PTGDR: variants seen among roughly 807,000 people sequenced by gnomAD.
The protein encoded by PTGDR is prostaglandin D2 receptor, also known as PGD2 receptor.
PTGDR carries 19 observed loss-of-function variants against 17.4 expected under a neutral mutation model. The observed-to-expected ratio is 1.09, with a 90% confidence interval of 0.76 to 1.60. The LOEUF is 1.60. Among genes scored for constraint, PTGDR ranks in the 40% most tolerant of loss-of-function variants. The pLI, the probability that PTGDR is intolerant of heterozygous loss-of-function variation, is 0.00. For synonymous variants in PTGDR, 267 were observed against 224.2 expected (o/e 1.19, Z -1.71); for missense variants, 526 against 481.9 (o/e 1.09, Z -0.86).
chr14:52,271,491 A>T (rs920459583), intron 1 of PTGDR, among the ~76,000 whole-genome samples: 3 of 152,230 alleles, frequency 2.0e-5, no homozygotes, highest in African/African-American at 7.2e-5. Flanking sequence ...AACAAGATAA[A>T]ATGTACCTCT....
At chr14:52,269,591 A>C in intron 1 of PTGDR, 1 of 1,401,734 alleles carries the variant, frequency 7.1e-7, no homozygotes, top group Non-Finnish European at 9.7e-7. Flanking sequence ...TGCCAATCCC[A>C]CGTTCTCGAA....
intron 1 of PTGDR, among the ~76,000 whole-genome samples, chr14:52,272,083 C>A (rs1049943989): frequency 1.3e-5 from 2 of 152,110 alleles, no homozygotes; most frequent in Non-Finnish European, 2.9e-5. Context: ...ATGATACTAG[C>A]ATAATTAAAA....
At chr14:52,279,336 G>A (rs891898129), downstream of PTGDR, among the ~76,000 whole-genome samples, 4 of 152,130 alleles carry the variant, frequency 2.6e-5, no homozygotes, top group Non-Finnish European at 4.4e-5. Flanking sequence ...CACTGTTATC[G>A]ACATTATGTA....
chr14:52,268,438 G>T lies in PTGDR; in HGVS notation c.624G>T (p.Ala208=), dbSNP rs1018209574. Residue 208 remains alanine (A), a synonymous_variant, in exon 1 of 2, where the codon GCG becomes GCT. Coordinates refer to ENST00000306051, the MANE Select transcript of PTGDR (RefSeq NM_000953.3). ...CTGTGCTCTACTCCAGCCTCATGGC[G>T]CTGCTGGTCCTCGCCACCGTGCTGT... ...GYSVLYSSLM[A]LLVLATVLCN... is the part of the protein sequence containing the mutation. 1 of 1,610,040 alleles carries T rather than the reference G, an allele frequency of 6.2e-7. No homozygotes were observed. Among genetic ancestry groups the T allele is most frequent in the Admixed American group, 1.7e-5 (1 of 60,032 alleles).
At chr14:52,273,820 T>C (rs2033367486) in intron 1 of PTGDR, among the ~76,000 whole-genome samples, 1 of 152,212 alleles carries the variant, frequency 6.6e-6, no homozygotes. Flanking sequence ...AAAATGTATT[T>C]AGAATTGTAG....
Position 52,267,763 on chromosome 14 carries a change from G to A in PTGDR, c.-52G>A. On this transcript the variant is annotated 5_prime_UTR_variant, in exon 1 of 2. Coordinates refer to ENST00000306051, the MANE Select transcript of PTGDR (RefSeq NM_000953.3). ...GGGGGCTCCTTAGCACCCGGGCGCCGGGGCCCTCGCCCTTCCGCAGCCTTC... is the reference window on the plus strand; with the variant it reads ...GGGGGCTCCTTAGCACCCGGGCGCCAGGGCCCTCGCCCTTCCGCAGCCTTC... 2 of 1,493,306 alleles carry A rather than the reference G, an allele frequency of 1.3e-6. No individual in the cohort carries two copies. Among genetic ancestry groups the A allele is most frequent in the Non-Finnish European group, 1.8e-6 (2 of 1,124,632 alleles). The allele number at this position is 1,493,306 out of a possible 1,614,324, so 92.5% of individuals were successfully genotyped here.
chr14:52,273,948 G>A (rs1407780486), intron 1 of PTGDR, among the ~76,000 whole-genome samples: 2 of 152,130 alleles, frequency 1.3e-5, no homozygotes, highest in African/African-American at 4.8e-5. Flanking sequence ...GCTGTTGTTT[G>A]AGGCACTTTG....
chr14:52,267,720 G>T lies in PTGDR; in HGVS notation c.-95G>T, dbSNP rs41311438. 20,464 of 1,437,172 alleles carry T rather than the reference G, an allele frequency of 0.014. 216 individuals carry two copies. Among genetic ancestry groups the T allele is most frequent in the South Asian group, 0.026 (1,722 of 65,108 alleles). The allele number at this position is 1,437,172 out of a possible 1,614,324, so 89.0% of individuals were successfully genotyped here. A position where few individuals can be genotyped will look rare whatever the true frequency, so the allele number is the denominator to read the frequency against. On this transcript the variant is annotated 5_prime_UTR_variant, in exon 1 of 2. Transcript: ENST00000306051. ...TCTGTGGCGCAGCTTCTCCGCCCGA[G>T]CCGCGCGCGGAGCTGCCGGGGGCTC...
In PTGDR at chr14:52,267,704, C is replaced by A; in HGVS notation, c.-111C>A. 7.0e-7 allele frequency: 1 copy of A among 1,424,754 alleles called. No homozygotes were observed. The highest frequency in any genetic ancestry group is 2.6e-5 in the East Asian group (1 of 38,160). 88.3% of individuals were successfully genotyped at this position (1,424,754 alleles called of 1,614,324 possible). A position where few individuals can be genotyped will look rare whatever the true frequency, so the allele number is the denominator to read the frequency against. ...CGCCCTCGGAGCTTTTTCTGTGGCG[C>A]AGCTTCTCCGCCCGAGCCGCGCGCG... On this transcript the variant is annotated 5_prime_UTR_variant, in exon 1 of 2. Coordinates refer to ENST00000306051, the MANE Select transcript of PTGDR (RefSeq NM_000953.3).
In PTGDR at chr14:52,267,955, G is replaced by A; in HGVS notation, c.141G>A (p.Gly47=). Residue 47 remains glycine, a synonymous_variant, in exon 1 of 2, where the codon GGG becomes GGA. Transcript: ENST00000306051. ...ALGLLARSGL[G]WCSRRPLRPL... ...GGCTGCTGGCGCGCTCGGGGCTGGG[G>A]TGGTGCTCGCGGCGTCCACTGCGCC... is the stretch of plus-strand genomic sequence containing the variant. 6.2e-7 allele frequency: 1 copy of A among 1,609,872 alleles called. No individual in the cohort carries two copies. The highest frequency in any genetic ancestry group is 8.5e-7 in the Non-Finnish European group (1 of 1,179,640).
In PTGDR at chr14:52,268,663, G is replaced by A; in HGVS notation, c.846+3G>A. 6.4e-7 allele frequency: 1 copy of A among 1,558,252 alleles called. No homozygotes were observed. Among genetic ancestry groups the A allele is most frequent in the East Asian group, 2.3e-5 (1 of 44,276 alleles). On this transcript the variant is annotated splice_donor_region_variant and intron_variant, in intron 1 of 1. Coordinates refer to ENST00000306051, the MANE Select transcript of PTGDR (RefSeq NM_000953.3). ...CTATGTGTTCTCTGCCCGTAATTGT[G>A]AGTCCCCGGGCCCCGAGGCAGCAGG...
At position 52,275,462 on chromosome 14, in the gene PTGDR, T is replaced by C. The variant is rs17831682; in HGVS notation, c.*498T>C. 0.069 allele frequency: 10,791 copies of C among 156,316 alleles called. 496 individuals carry two copies. The highest frequency in any genetic ancestry group is 0.16 in the South Asian group (798 of 5,148). The allele number at this position is 156,316 out of a possible 1,614,324, so 9.7% of individuals were successfully genotyped here. A position where few individuals can be genotyped will look rare whatever the true frequency, so the allele number is the denominator to read the frequency against. ...TTTAGTTCATTTCTTTGCCAATTGA[T>C]CTAAGCATAGCCTGAATTATGATGT... On this transcript the variant is annotated 3_prime_UTR_variant, in exon 2 of 2. Transcript: ENST00000306051.
chr14:52,278,055 G>T (rs2033450122), downstream of PTGDR, among the ~76,000 whole-genome samples: 2 of 152,170 alleles, frequency 1.3e-5, no homozygotes, highest in Admixed American at 1.3e-4. Flanking sequence ...GGAAGTCAGT[G>T]TGGCAATTCC....
chr14:52,269,498 C>T lies in PTGDR; in HGVS notation c.846+838C>T, dbSNP rs1286712821. 2.6e-6 allele frequency: 4 copies of T among 1,535,154 alleles called. No individual in the cohort carries two copies. In the African/African-American group the frequency reaches 4.1e-5, roughly 16 times the overall value. ...CCAAGACACCTGGGAGTAGGTGAGG[C>T]TTGAGGAAACATTTTCAGTGCTGCT... On this transcript the variant is annotated intron_variant, in intron 1 of 1. Coordinates refer to ENST00000306051, the MANE Select transcript of PTGDR (RefSeq NM_000953.3).
At position 52,274,806 on chromosome 14, in the gene PTGDR, G is replaced by T. The variant is rs1387267999; in HGVS notation, c.922G>T (p.Ala308Ser). 7 of 1,613,562 alleles carry T rather than the reference G, an allele frequency of 4.3e-6. No homozygotes were observed. The highest frequency in any genetic ancestry group is 5.9e-6 in the Non-Finnish European group (7 of 1,179,606). Reference protein sequence around the residue: ...RTSEEAEDLRALRFLSVISIV... With the variant: ...RTSEEAEDLRSLRFLSVISIV... The stretch of plus-strand genomic sequence containing the variant: ...CTCTGAAGAAGCAGAAGACCTCCGA[G>T]CCTTGCGATTTCTATCTGTGATTTC... The change falls in exon 2 of 2, where the codon GCC becomes TCC. Residue 308 changes from alanine (A) to serine (S), a missense_variant. Coordinates refer to ENST00000306051, the MANE Select transcript of PTGDR (RefSeq NM_000953.3).
chr14:52,268,859 G>C (rs773313602), intron 1 of PTGDR, among the ~76,000 whole-genome samples, 199 bp downstream of exon 1: 1 of 152,134 alleles, frequency 6.6e-6, no homozygotes, highest in Non-Finnish European at 1.5e-5. Context: ...GCGAAATGAG[G>C]GAAAGTTAGA....
chr14:52,276,694 C>A lies in PTGDR; in HGVS notation c.*1730C>A, dbSNP rs995019264. ...TTGTCCAGTTAATTTGAAAAGGCCC[C>A]AGATGAATCAATAAATATAATTTTA... On this transcript the variant is annotated 3_prime_UTR_variant, in exon 2 of 2. Transcript: ENST00000306051. 3.3e-5 allele frequency: 5 copies of A among 152,008 alleles called. No individual in the cohort carries two copies. In the East Asian group the frequency reaches 9.6e-4, roughly 29 times the overall value. 9.4% of individuals were successfully genotyped at this position (152,008 alleles called of 1,614,324 possible).
In PTGDR at chr14:52,267,767, C is replaced by T. The variant is rs1327214705; in HGVS notation, c.-48C>T. On this transcript the variant is annotated 5_prime_UTR_variant, in exon 1 of 2. Transcript: ENST00000306051. ...GCTCCTTAGCACCCGGGCGCCGGGG[C>T]CCTCGCCCTTCCGCAGCCTTCACTC... 2 of 1,496,318 alleles carry T rather than the reference C, an allele frequency of 1.3e-6. No homozygotes were observed. The highest frequency in any genetic ancestry group is 1.8e-6 in the Non-Finnish European group (2 of 1,125,598). The allele number at this position is 1,496,318 out of a possible 1,614,324, so 92.7% of individuals were successfully genotyped here. A position where few individuals can be genotyped will look rare whatever the true frequency, so the allele number is the denominator to read the frequency against.
At chr14:52,274,092 G>A (rs960867351) in intron 1 of PTGDR, among the ~76,000 whole-genome samples, 1 of 151,916 alleles carries the variant, frequency 6.6e-6, no homozygotes, top group Non-Finnish European at 1.5e-5. Flanking sequence ...AAAAAAGGAT[G>A]TCAACCATGA....
Sources: allele counts gnomAD v4.1 joint callset (sites outside exome capture counted in the v4.1 genomes callset), GRCh38; gene constraint gnomAD v4.1.1; transcripts MANE v1.5; gene names NCBI Gene and HGNC (gene_info 2026-07-23, HGNC 2026-07-21).